LAMA5: variants seen among roughly 807,000 people sequenced by gnomAD.
LAMA5 encodes the protein laminin subunit alpha-5.
In LAMA5, 260 loss-of-function variants were observed where a neutral mutation model predicts 433.4. The observed-to-expected ratio is 0.60, with a 90% CI of 0.54 to 0.66. The LOEUF is 0.66. Ranked by LOEUF, LAMA5 falls within the 30% of genes least tolerant of loss-of-function variation. The pLI, the probability that LAMA5 is intolerant of heterozygous loss-of-function variation, is 0.00. For synonymous variants in LAMA5, 2,620 were observed against 2,226.6 expected (o/e 1.18, Z -4.97); for missense variants, 5,378 against 5,258.5 (o/e 1.02, Z -0.70).
rs778881247 is a variant in LAMA5, at chr20:62,326,900, C to G, written c.5179G>C (p.Val1727Leu). The G allele has an allele frequency of 6.8e-6, 11 of 1,612,292 alleles. No individual in the cohort carries two copies. The East Asian group carries it at 2.5e-4, about 36-fold the overall frequency. The change falls in exon 39 of 80, where the codon GTC (valine) becomes CTC (leucine). Residue 1727 changes from valine to leucine, a missense_variant. Physicochemically the swap from Val to Leu is conservative, Grantham distance 32 (BLOSUM62 1). Transcript: ENST00000252999. ...HSETQRGDVF[V>L]PMESRPDVVL... ...ACATCCGGCCTGCTCTCCATGGGGA[C>G]AAAGACATCTCCCCGCTGGGTCTCT...
At position 62,359,274 on chromosome 20, in the gene LAMA5, C is replaced by A. The variant is rs1312657768; in HGVS notation, c.450+3126G>T. ...CACGGTCAGGCCACCCAGGGGCCGA[C>A]TGGAGAGGGAGGGGACACAGGCCAG... On this transcript the variant is annotated intron_variant, in intron 2 of 79. Transcript: ENST00000252999. This position sits in a 1 kb window ranked among gnomAD's most constrained non-coding sequence, Gnocchi z 4.3. 6.6e-6 allele frequency among the ~76,000 whole-genome samples: 1 copy of A among 152,138 alleles called. No individual in the cohort carries two copies. Among genetic ancestry groups the A allele is most frequent in the Admixed American group, 6.5e-5 (1 of 15,282 alleles).
At position 62,327,046 on chromosome 20, in the gene LAMA5, C is replaced by G. The variant is rs1979424026; in HGVS notation, c.5113-80G>C. 2.5e-6 allele frequency: 3 copies of G among 1,190,730 alleles called. No homozygotes were observed. The Admixed American group carries it at 6.1e-5, about 24-fold the overall frequency. The allele number at this position is 1,190,730 out of a possible 1,614,324, so 73.8% of individuals were successfully genotyped here. On this transcript the variant is annotated intron_variant, in intron 38 of 79. Transcript: ENST00000252999. ...GCCCGTCAGCAGTGGTCTGGGCACCCCCAGCACAGAGCCCTGTGCTGGGCC... is the reference window on the plus strand; with the variant it reads ...GCCCGTCAGCAGTGGTCTGGGCACCGCCAGCACAGAGCCCTGTGCTGGGCC...
At chr20:62,343,539 G>T (rs777479587) in intron 11 of LAMA5, among the ~76,000 whole-genome samples, 5 of 152,172 alleles carry the variant, frequency 3.3e-5, no homozygotes, top group Non-Finnish European at 5.9e-5. Context: ...ACTTTGGGAG[G>T]CTGAGGCGGG....
chr20:62,358,719 A>G (rs553692313), intron 2 of LAMA5, among the ~76,000 whole-genome samples: 31 of 152,264 alleles, frequency 2.0e-4, no homozygotes, highest in African/African-American at 7.5e-4. Context: ...TCCAGACCCC[A>G]GCACTGGGAC....
chr20:62,335,374 A>T (rs1186240518), intron 18 of LAMA5, 105 bp from the exon 19 acceptor site: 1 of 1,149,446 alleles, frequency 8.7e-7, no homozygotes, highest in Non-Finnish European at 1.2e-6. Context: ...GGGCACACTC[A>T]CAGGCTCCAG....
Position 62,310,315 on chromosome 20 carries a change from CG to C in LAMA5, c.10601-5del. 1 of 1,596,444 alleles carries C rather than the reference CG, an allele frequency of 6.3e-7. No individual in the cohort carries two copies. Among genetic ancestry groups the C allele is most frequent in the Non-Finnish European group, 8.5e-7 (1 of 1,169,858 alleles). On this transcript the variant is annotated splice_polypyrimidine_tract_variant and splice_region_variant and intron_variant, in intron 76 of 79. Transcript: ENST00000252999. ...GGCAGTGTAGCTCCTGGGAGGTCTG[CG>C]GGGAGGGGTTGTGATGGAGAAGAAA...
rs1985821606 is a variant in LAMA5, at chr20:62,309,367, G to A, written c.11057C>T (p.Ala3686Val). 1.3e-6 allele frequency: 2 copies of A among 1,590,516 alleles called. No individual in the cohort carries two copies. Among genetic ancestry groups the A allele is most frequent in the Non-Finnish European group, 1.7e-6 (2 of 1,176,680 alleles). ...GGCTGGGCAGCCACTGGCCCCCACTGCCCCGTGGACCTCCACAGAGCGAGT... is the reference window on the plus strand; with the variant it reads ...GGCTGGGCAGCCACTGGCCCCCACTACCCCGTGGACCTCCACAGAGCGAGT... ...AMTRSVEVHG[A>V]VGASGCPAA The change falls in exon 80 of 80, where the codon GCA becomes GTA. Residue 3686 changes from alanine to valine, a missense_variant. Coordinates refer to ENST00000252999, the MANE Select transcript of LAMA5 (RefSeq NM_005560.6).
At chr20:62,336,129 CCCT>C (rs1334049161) in intron 18 of LAMA5, among the ~76,000 whole-genome samples, 2 of 149,864 alleles carry the variant, frequency 1.3e-5, no homozygotes, top group South Asian at 4.3e-4. Flanking sequence ...CTCGCAGCCC[CCCT>C]GAGGAACCCC....
chr20:62,321,760 T>TGGGGG (rs1987836707), intron 48 of LAMA5, among the ~76,000 whole-genome samples: 6 of 27,806 alleles, frequency 2.2e-4, no homozygotes, highest in Admixed American at 3.0e-4. Flanking sequence ...AGGGGTGGGG[T>TGGGGG]CAGTGGGGGA....
intron 45 of LAMA5, 87 bp downstream of exon 45, chr20:62,323,369 C>T: frequency 9.0e-7 from 1 of 1,116,956 alleles, no homozygotes; most frequent in Non-Finnish European, 1.2e-6. Context: ...ATCAGGCACA[C>T]AGCCTACTTA....
chr20:62,358,192 G>C (rs569226911), intron 2 of LAMA5, among the ~76,000 whole-genome samples: 11 of 152,290 alleles, frequency 7.2e-5, no homozygotes, highest in African/African-American at 2.4e-4. Flanking sequence ...GGGGTGCGGG[G>C]AGAGGAGCGG....
At chr20:62,322,248 C>T in intron 47 of LAMA5, 21 bp downstream of exon 47, 1 of 1,573,510 alleles carries the variant, frequency 6.4e-7, no homozygotes, top group Non-Finnish European at 8.6e-7. Context: ...ATCCGCCCTC[C>T]TGTGACCGGC....
chr20:62,326,954 C>T lies in LAMA5; in HGVS notation c.5125G>A (p.Gly1709Ser), dbSNP rs772104846. ...SYLGDRVSSYGGTLRYELHSE... is the reference protein window; with the variant it reads ...SYLGDRVSSYSGTLRYELHSE... ...TGCAGTTCATAACGGAGGGTCCCAC[C>T]GTAGGATGACACCTGGAGGCAGGAC... Residue 1709 changes from glycine to serine, a missense_variant, in exon 39 of 80, where the codon GGT becomes AGT. Gly to Ser is a moderately conservative substitution (Grantham distance 56). Transcript: ENST00000252999. The T allele has an allele frequency of 3.0e-5, 48 of 1,607,012 alleles. No homozygotes were observed. The highest frequency in any genetic ancestry group is 1.4e-4 in the South Asian group (13 of 90,594).
chr20:62,327,082 C>A (rs527329029), intron 38 of LAMA5, 116 bp from the exon 39 acceptor site: 3 of 1,086,736 alleles, frequency 2.8e-6, no homozygotes, highest in Non-Finnish European at 2.7e-6. Flanking sequence ...TGGATACTTG[C>A]GCTCATTCCC....
At position 62,315,083 on chromosome 20, in the gene LAMA5, G is replaced by A. The variant is rs753462078; in HGVS notation, c.7992C>T (p.Tyr2664=). 2.0e-5 allele frequency: 32 copies of A among 1,603,730 alleles called. No individual in the cohort carries two copies. Among genetic ancestry groups the A allele is most frequent in the African/African-American group, 6.7e-5 (5 of 74,902 alleles). Residue 2664 remains tyrosine, a synonymous_variant, in exon 59 of 80, where the codon TAC becomes TAT. Transcript: ENST00000252999. ...QENVERWQGQ[Y]EGLRGQDLGQ... ...CCAGGTCCTGGCCCCGCAGGCCCTC[G>A]TACTGGCCCTGCCACCGCTCCACAT...
At chr20:62,364,763 G>GTTCA (rs2096736524) in intron 1 of LAMA5, among the ~76,000 whole-genome samples, 1 of 152,198 alleles carries the variant, frequency 6.6e-6, no homozygotes. Context: ...GCCCAGCAGG[G>GTTCA]TTCACCCCGA....
Position 62,316,884 on chromosome 20 carries a change from C to G in LAMA5, c.7651G>C (p.Ala2551Pro), listed in dbSNP as rs1986994485. Residue 2551 changes from alanine (A) to proline (P), a missense_variant and splice_region_variant, in exon 56 of 80, where the codon GCG becomes CCG. Transcript: ENST00000252999. ...TGAGGGGAAGTGAGGGGCCTCACCG[C>G]CCACGTGTGGTCCGCCTGCTGCAGG... ...QALQQADHTWATVVRQGLVDR... is the reference protein window; with the variant it reads ...QALQQADHTWPTVVRQGLVDR... 7 of 1,532,022 alleles carry G rather than the reference C, an allele frequency of 4.6e-6. No individual in the cohort carries two copies. Among genetic ancestry groups the G allele is most frequent in the Non-Finnish European group, 5.3e-6 (6 of 1,138,612 alleles). The allele number at this position is 1,532,022 out of a possible 1,614,324, so 94.9% of individuals were successfully genotyped here.
chr20:62,366,096 C>G (rs1986695680), intron 1 of LAMA5, among the ~76,000 whole-genome samples: 1 of 152,234 alleles, frequency 6.6e-6, no homozygotes, highest in African/African-American at 2.4e-5. Flanking sequence ...TAGACTCTCC[C>G]TAAGGTGGGG....
At chr20:62,351,524 G>C (rs930452489) in intron 6 of LAMA5, among the ~76,000 whole-genome samples, 180 bp downstream of exon 6, 2 of 149,678 alleles carry the variant, frequency 1.3e-5, no homozygotes, top group African/African-American at 4.9e-5. Flanking sequence ...CCACATCACT[G>C]CACAGATGAG....
Sources: allele counts gnomAD v4.1 joint callset (sites outside exome capture counted in the v4.1 genomes callset), GRCh38; gene constraint gnomAD v4.1.1; non-coding constraint Gnocchi (gnomAD v3.1); transcripts MANE v1.5; gene names NCBI Gene and HGNC (gene_info 2026-07-23, HGNC 2026-07-21).